LUC7L2: variants seen among roughly 807,000 people sequenced by gnomAD.
LUC7L2 encodes LUC7 like 2, pre-mRNA splicing factor, also known as putative RNA-binding protein Luc7-like 2.
LUC7L2 carries 25 observed loss-of-function variants against 52.8 expected under a neutral mutation model. The observed-to-expected ratio is 0.47, with a 90% CI of 0.34 to 0.66. The LOEUF (loss-of-function observed/expected upper bound fraction) is 0.66. LUC7L2 is among the 30% of genes least tolerant of loss of function. The pLI is 0.01. For missense variants in LUC7L2, 328 were observed against 497.8 expected (o/e 0.66, Z 3.25); for synonymous variants, 144 against 160.9 (o/e 0.89, Z 0.80).
At chr7:139,368,845 T>G (rs1438331011) in intron 1 of LUC7L2, among the ~76,000 whole-genome samples, 5 of 152,206 alleles carry the variant, frequency 3.3e-5, no homozygotes, top group Admixed American at 2.6e-4. Flanking sequence ...TTTGTAAATT[T>G]GTTGCATATT....
intron 2 of LUC7L2, among the ~76,000 whole-genome samples, chr7:139,380,795 C>G (rs1015598902): frequency 2.6e-5 from 4 of 152,124 alleles, no homozygotes; most frequent in Admixed American, 2.6e-4. Context: ...CAACACATTT[C>G]TTCTGGTACG....
Position 139,366,490 on chromosome 7 carries a change from T to TG in LUC7L2, c.61+6168_61+6169insG, listed in dbSNP as rs11462372. On this transcript the variant is annotated intron_variant, in intron 1 of 9. Transcript: ENST00000354926. ...TTTTCTCTTAAAGTAACTTTAATAGTTTAATAGTTAAAGTTACTTGAAGGT... is the reference window on the plus strand; with the variant it reads ...TTTTCTCTTAAAGTAACTTTAATAGTGTTAATAGTTAAAGTTACTTGAAGGT... 6.6e-5 allele frequency among the ~76,000 whole-genome samples: 10 copies of TG among 152,012 alleles called. No homozygotes were observed. The East Asian group carries it at 1.7e-3, about 26-fold the overall frequency.
rs1053495469 is a variant in LUC7L2, at chr7:139,379,914, T to C, written c.156+3758T>C. On this transcript the variant is annotated intron_variant, in intron 2 of 9. Coordinates refer to ENST00000354926, the MANE Select transcript of LUC7L2 (RefSeq NM_016019.5). ...ATAAATTAATCAGGGCTGGGCGTGG[T>C]GGTTCACGCCTGTAATCCCAGCAGT... Among the ~76,000 whole-genome samples, 10 of 152,224 alleles carry C rather than the reference T, an allele frequency of 6.6e-5. No individual in the cohort carries two copies. The East Asian group carries it at 1.4e-3, about 21-fold the overall frequency.
intron 1 of LUC7L2, chr7:139,344,880 T>A (rs1799197828): frequency 6.7e-6 from 1 of 149,814 alleles, no homozygotes. Flanking sequence ...TTTTTTTTTT[T>A]TTTTTTGGAT....
Position 139,361,892 on chromosome 7 carries a change from C to T in LUC7L2, c.61+1570C>T, listed in dbSNP as rs117960916. Among the ~76,000 whole-genome samples, 24 of 152,254 alleles carry T rather than the reference C, an allele frequency of 1.6e-4. No homozygotes were observed. The East Asian group carries it at 4.6e-3, about 29-fold the overall frequency. ...GATCCTTTTAATCCTTGATGGATAC[C>T]ATTTTTGGGATCTTCTTCATGGATT... On this transcript the variant is annotated intron_variant, in intron 1 of 9. Coordinates refer to ENST00000354926, the MANE Select transcript of LUC7L2 (RefSeq NM_016019.5).
intron 1 of LUC7L2, among the ~76,000 whole-genome samples, chr7:139,369,249 C>T (rs1368112280): frequency 6.6e-6 from 1 of 152,158 alleles, no homozygotes; most frequent in East Asian, 1.9e-4. Flanking sequence ...TACAGCTCTG[C>T]AAGTAAGTAT....
intron 6 of LUC7L2, among the ~76,000 whole-genome samples, chr7:139,408,351 A>G (rs1208461215): frequency 2.6e-5 from 4 of 152,236 alleles, no homozygotes; most frequent in East Asian, 1.9e-4. Context: ...ACAGAACTCA[A>G]GCATTTTACT....
chr7:139,371,429 G>A, intron 1 of LUC7L2: 1 of 1,496,272 alleles, frequency 6.7e-7, no homozygotes, highest in South Asian at 1.2e-5. Context: ...TCCACTCACA[G>A]CTTAAAAAAA....
intron 2 of LUC7L2, among the ~76,000 whole-genome samples, chr7:139,383,822 C>G (rs901170287): frequency 6.7e-6 from 1 of 150,040 alleles, no homozygotes; most frequent in Non-Finnish European, 1.5e-5. Context: ...CAACCTCCGC[C>G]TCCTGGGTTC....
intron 2 of LUC7L2, among the ~76,000 whole-genome samples, chr7:139,380,416 G>C (rs1408459381): frequency 2.6e-5 from 4 of 151,942 alleles, no homozygotes; most frequent in Non-Finnish European, 5.9e-5. Context: ...TGGCCAACAT[G>C]TTGAAATCCT....
chr7:139,357,698 T>TC (rs1799647655), upstream of LUC7L2, among the ~76,000 whole-genome samples: 1 of 151,258 alleles, frequency 6.6e-6, no homozygotes, highest in African/African-American at 2.4e-5. Context: ...CAAAATAATT[T>TC]TTTTTTTTTT....
chr7:139,401,201 C>T (rs941446893), intron 3 of LUC7L2, among the ~76,000 whole-genome samples: 12 of 141,178 alleles, frequency 8.5e-5, no homozygotes, highest in East Asian at 5.9e-4. Context: ...TCCTGATGTG[C>T]GAGACTCTTG....
intron 1 of LUC7L2, chr7:139,375,344 A>C (rs1447594974): frequency 2.0e-5 from 20 of 985,322 alleles, no homozygotes; most frequent in Non-Finnish European, 1.9e-5. Flanking sequence ...TGGCAGTATG[A>C]AAAAGCTCAG....
chr7:139,394,185 A>G (rs1244939187), intron 2 of LUC7L2, among the ~76,000 whole-genome samples: 2 of 152,204 alleles, frequency 1.3e-5, no homozygotes, highest in African/African-American at 4.8e-5. Flanking sequence ...TTGTCCTGGA[A>G]TTCATCTTGA....
intron 9 of LUC7L2, among the ~76,000 whole-genome samples, chr7:139,418,933 C>A (rs1157268681): frequency 6.6e-6 from 1 of 151,890 alleles, no homozygotes; most frequent in Non-Finnish European, 1.5e-5. Context: ...GCCTGGCCAA[C>A]CAACCCCATC....
intron 1 of LUC7L2, chr7:139,340,646 C>T (rs1265463077): frequency 1.8e-5 from 7 of 396,074 alleles, no homozygotes; most frequent in South Asian, 1.4e-4. Context: ...GTGACGATGA[C>T]GTACCAAAGA....
intron 2 of LUC7L2, among the ~76,000 whole-genome samples, chr7:139,387,554 G>A (rs138988276): frequency 2.0e-5 from 3 of 152,142 alleles, no homozygotes; most frequent in East Asian, 3.9e-4. Context: ...GAAACAAATG[G>A]AGAAAATTTT....
chr7:139,399,451 T>TTA (rs1794804022), intron 3 of LUC7L2, among the ~76,000 whole-genome samples: 1 of 35,590 alleles, frequency 2.8e-5, no homozygotes, highest in Admixed American at 2.2e-4. Context: ...TTTGGGGGAT[T>TTA]TTTTTTTTTT....
intron 1 of LUC7L2, among the ~76,000 whole-genome samples, chr7:139,371,622 C>G (rs1262386814): frequency 1.3e-5 from 2 of 152,006 alleles, no homozygotes; most frequent in Non-Finnish European, 2.9e-5. Context: ...CAGATACTAC[C>G]TAGGCTAAGG....
Sources: gnomAD v4.1 joint callset for allele counts (sites outside exome capture counted in the v4.1 genomes callset) on GRCh38, gnomAD v4.1.1 for gene constraint, MANE v1.5 for transcripts, NCBI Gene and HGNC (gene_info 2026-07-23, HGNC 2026-07-21) for gene names.